The following HSD17B12 variants were observed in gnomAD, a reference collection of about 807,000 sequenced individuals.
HSD17B12 encodes very-long-chain 3-oxoacyl-CoA reductase.
Under a neutral mutation model 39.3 loss-of-function variants are expected in HSD17B12, and 32 were observed. That is an observed-to-expected ratio of 0.81 (90% CI 0.61 to 1.09). The LOEUF is 1.09. Ranked by LOEUF, HSD17B12 falls within the 50% of genes least tolerant of loss-of-function variation. HSD17B12 has a pLI of 0.00. For missense variants in HSD17B12, 342 were observed against 382.9 expected (o/e 0.89, Z 0.89); for synonymous variants, 150 against 146.7 (o/e 1.02, Z -0.16).
the HSD17B12 span, among the ~76,000 whole-genome samples, chr11:43,566,255 A>C: frequency 6.6e-6 from 1 of 152,084 alleles, no homozygotes; most frequent in Non-Finnish European, 1.5e-5. Flanking sequence ...AGCTATTGTT[A>C]CTCTTGATAT....
chr11:43,557,800 G>C, the HSD17B12 span, among the ~76,000 whole-genome samples: 1 of 152,152 alleles, frequency 6.6e-6, no homozygotes, highest in Non-Finnish European at 1.5e-5. Context: ...CTGGAGCTCA[G>C]CCAGGGTCTG....
At chr11:43,651,777 CCA>C in the HSD17B12 span, among the ~76,000 whole-genome samples, 2 of 152,162 alleles carry the variant, frequency 1.3e-5, no homozygotes, top group Non-Finnish European at 2.9e-5. Context: ...CAGGGTTTCA[CCA>C]CGTTGGCCAG....
At chr11:43,604,104 ATTC>A in the HSD17B12 span, among the ~76,000 whole-genome samples, 1 of 152,210 alleles carries the variant, frequency 6.6e-6, no homozygotes, top group Non-Finnish European at 1.5e-5. Context: ...TACATGGTTC[ATTC>A]TTCTTATTAA....
chr11:43,636,864 G>A, the HSD17B12 span, among the ~76,000 whole-genome samples: 1 of 152,074 alleles, frequency 6.6e-6, no homozygotes, highest in African/African-American at 2.4e-5. Flanking sequence ...GTAATCAAGT[G>A]CTCGATAATC....
chr11:43,822,236 C>A (rs553637421), intron 6 of HSD17B12, among the ~76,000 whole-genome samples: 1 of 152,222 alleles, frequency 6.6e-6, no homozygotes, highest in East Asian at 1.9e-4. Flanking sequence ...AAATACTGTT[C>A]TGTTTTGTTG....
chr11:43,640,694 T>C, the HSD17B12 span, among the ~76,000 whole-genome samples: 2 of 152,042 alleles, frequency 1.3e-5, no homozygotes, highest in Non-Finnish European at 2.9e-5. Context: ...GTATTAAAAC[T>C]ATTGAGTCAT....
At chr11:43,557,357 G>A in the HSD17B12 span, among the ~76,000 whole-genome samples, 5 of 152,246 alleles carry the variant, frequency 3.3e-5, no homozygotes, top group South Asian at 2.1e-4. Context: ...TATTTTGCAC[G>A]TGAAAATTTA....
the HSD17B12 span, among the ~76,000 whole-genome samples, chr11:43,627,158 C>T: frequency 1.3e-4 from 19 of 151,740 alleles, no homozygotes; most frequent in Non-Finnish European, 2.5e-4. Context: ...ACAAGTATGA[C>T]GACATTAAGA....
intron 1 of HSD17B12, among the ~76,000 whole-genome samples, chr11:43,733,444 C>T (rs1407734418): frequency 6.6e-6 from 1 of 152,158 alleles, no homozygotes; most frequent in East Asian, 1.9e-4. Flanking sequence ...TGTAAAGTAT[C>T]TGCTACTGTG....
chr11:43,625,098 C>A, the HSD17B12 span, among the ~76,000 whole-genome samples: 1 of 151,594 alleles, frequency 6.6e-6, no homozygotes, highest in African/African-American at 2.4e-5. Flanking sequence ...ATTATTAAGA[C>A]AATGTTTCCA....
chr11:43,671,175 A>G, the HSD17B12 span, among the ~76,000 whole-genome samples: 1 of 151,698 alleles, frequency 6.6e-6, no homozygotes, highest in African/African-American at 2.4e-5. Context: ...TTATTTATTT[A>G]TTTTTTTGAG....
chr11:43,775,428 G>A (rs893418430), intron 3 of HSD17B12, among the ~76,000 whole-genome samples: 9 of 152,026 alleles, frequency 5.9e-5, no homozygotes, highest in African/African-American at 1.7e-4. Context: ...GCGTGCTGTC[G>A]GGGATCATTT....
intron 1 of HSD17B12, among the ~76,000 whole-genome samples, chr11:43,705,194 T>TAAG (rs1209046579): frequency 2.6e-5 from 4 of 152,228 alleles, no homozygotes; most frequent in African/African-American, 7.2e-5. Context: ...ACTGAATAAA[T>TAAG]AAAGTCTCAT....
intron 1 of HSD17B12, among the ~76,000 whole-genome samples, chr11:43,728,666 C>G (rs1382003763): frequency 6.6e-6 from 1 of 152,084 alleles, no homozygotes; most frequent in Non-Finnish European, 1.5e-5. Context: ...TGGTAAACTT[C>G]TTTTGACTCA....
intron 3 of HSD17B12, among the ~76,000 whole-genome samples, chr11:43,786,864 T>C (rs1950819578): frequency 6.6e-6 from 1 of 152,212 alleles, no homozygotes; most frequent in Non-Finnish European, 1.5e-5. Flanking sequence ...TACTCCTGTC[T>C]TGTTGGTAGA....
At chr11:43,767,822 CTGTT>C (rs1448425016) in intron 3 of HSD17B12, among the ~76,000 whole-genome samples, 6 of 152,160 alleles carry the variant, frequency 3.9e-5, no homozygotes, top group Non-Finnish European at 8.8e-5. Flanking sequence ...TGCTTTCATT[CTGTT>C]TAATGCTGTA....
intron 1 of HSD17B12, among the ~76,000 whole-genome samples, chr11:43,699,656 A>G (rs1033671346): frequency 6.6e-6 from 1 of 151,964 alleles, no homozygotes; most frequent in African/African-American, 2.4e-5. Context: ...TTGTGTTCCT[A>G]TTTTAGTTTG....
chr11:43,591,210 G>T, the HSD17B12 span, among the ~76,000 whole-genome samples: 225 of 152,206 alleles, frequency 1.5e-3, no homozygotes, highest in African/African-American at 5.2e-3. Context: ...CATTTTTATT[G>T]ATAGTATACT....
the HSD17B12 span, among the ~76,000 whole-genome samples, chr11:43,651,727 C>T: frequency 2.6e-5 from 4 of 152,078 alleles, no homozygotes; most frequent in Non-Finnish European, 5.9e-5. Context: ...ATTACAGGTG[C>T]ACACCACCAC....
Sources: allele counts gnomAD v4.1 joint callset (sites outside exome capture counted in the v4.1 genomes callset), GRCh38; gene constraint gnomAD v4.1.1; transcripts MANE v1.5; gene names NCBI Gene and HGNC (gene_info 2026-07-23, HGNC 2026-07-21).